Variants in EYS observed in about 807,000 individuals in gnomAD.
EYS encodes protein eyes shut homolog.
A neutral mutation model predicts 282.1 loss-of-function variants in EYS; 250 were observed. The observed-to-expected ratio is 0.89, with a 90% CI of 0.80 to 0.98. The LOEUF (loss-of-function observed/expected upper bound fraction) is 0.98. Among genes scored for constraint, EYS ranks in the 50% least tolerant of loss-of-function variants. The pLI, the probability that EYS is intolerant of heterozygous loss-of-function variation, is 0.00. For synonymous variants in EYS, 1,355 were observed against 1,282.9 expected (o/e 1.06, Z -1.20); for missense variants, 4,016 against 3,709.0 (o/e 1.08, Z -2.15).
chr6:63,829,095 CAAT>C (rs1771553242), intron 36 of EYS, among the ~76,000 whole-genome samples: 2 of 152,206 alleles, frequency 1.3e-5, no homozygotes, highest in Non-Finnish European at 2.9e-5. Flanking sequence ...CATCAATCAA[CAAT>C]GAGTGGCGGA....
intron 12 of EYS, among the ~76,000 whole-genome samples, chr6:65,162,539 A>C (rs562804767): frequency 6.6e-5 from 10 of 151,270 alleles, no homozygotes; most frequent in Non-Finnish European, 1.3e-4. Context: ...TACAACAAAA[A>C]GAATATAATG....
At chr6:64,846,444 G>A (rs1468048143) in intron 19 of EYS, among the ~76,000 whole-genome samples, 1 of 151,986 alleles carries the variant, frequency 6.6e-6, no homozygotes, top group African/African-American at 2.4e-5. Context: ...GTAGCTTTTG[G>A]TTAGATAATT....
At chr6:64,312,440 G>C (rs77181433) in intron 29 of EYS, among the ~76,000 whole-genome samples, 5,786 of 152,180 alleles carry the variant, frequency 0.038, 357 homozygotes, top group African/African-American at 0.13. Context: ...GGAAAGGGTG[G>C]CTGTGGGGGC....
intron 29 of EYS, among the ~76,000 whole-genome samples, chr6:64,324,451 C>T (rs2150386462): frequency 6.6e-6 from 1 of 152,222 alleles, no homozygotes; most frequent in South Asian, 2.1e-4. Context: ...TGGTAAAAAC[C>T]TTCAACGAAC....
At chr6:64,597,915 A>T (rs954099097) in intron 24 of EYS, among the ~76,000 whole-genome samples, 2 of 152,102 alleles carry the variant, frequency 1.3e-5, no homozygotes, top group Non-Finnish European at 2.9e-5. Flanking sequence ...CACAAAAAAG[A>T]TATCTTCAAT....
intron 12 of EYS, among the ~76,000 whole-genome samples, chr6:65,107,717 C>G (rs917253402): frequency 6.6e-6 from 1 of 151,154 alleles, no homozygotes; most frequent in African/African-American, 2.4e-5. Context: ...TTTCAATATT[C>G]TGACAATTTC....
At chr6:64,044,595 T>C (rs1316414022) in intron 33 of EYS, among the ~76,000 whole-genome samples, 2 of 152,242 alleles carry the variant, frequency 1.3e-5, no homozygotes, top group Non-Finnish European at 2.9e-5. Flanking sequence ...AATGTAGTTA[T>C]GAAAATGTAT....
At chr6:64,951,428 G>A (rs1302764881) in intron 14 of EYS, among the ~76,000 whole-genome samples, 2 of 151,990 alleles carry the variant, frequency 1.3e-5, no homozygotes, top group Admixed American at 6.6e-5. Flanking sequence ...CTCTTTGGAA[G>A]ATGTTAACAT....
chr6:65,049,425 A>G (rs1057148016), intron 13 of EYS, among the ~76,000 whole-genome samples: 1 of 151,744 alleles, frequency 6.6e-6, no homozygotes, highest in African/African-American at 2.4e-5. Flanking sequence ...ATCAATATAT[A>G]CTTCTTTCAA....
At chr6:64,685,304 AAAAAAAATC>A (rs1770053016) in intron 22 of EYS, among the ~76,000 whole-genome samples, 7 of 24,308 alleles carry the variant, frequency 2.9e-4, no homozygotes, top group Non-Finnish European at 5.6e-4. Flanking sequence ...TACTTGATTT[AAAAAAAATC>A]TCAAATTCTT....
intron 19 of EYS, among the ~76,000 whole-genome samples, chr6:64,869,503 T>C (rs1766525956): frequency 6.6e-6 from 1 of 151,412 alleles, no homozygotes; most frequent in African/African-American, 2.4e-5. Flanking sequence ...AGTGAAGTAA[T>C]TTGGGGTTAT....
intron 11 of EYS, chr6:65,332,178 T>C (rs1769819864): frequency 2.0e-6 from 1 of 506,508 alleles, no homozygotes; most frequent in Non-Finnish European, 3.5e-6. Context: ...TTTTATTCTT[T>C]ATTTGTTGAG....
At chr6:64,545,845 T>C (rs182318065) in intron 26 of EYS, among the ~76,000 whole-genome samples, 34 of 152,172 alleles carry the variant, frequency 2.2e-4, no homozygotes, top group Admixed American at 3.9e-4. Flanking sequence ...AGGAGAACTA[T>C]AAACCACTGC....
Position 63,971,761 on chromosome 6 carries a change from A to G in EYS, c.7055+12622T>C, listed in dbSNP as rs145798232. 3.8e-3 allele frequency among the ~76,000 whole-genome samples: 580 copies of G among 152,340 alleles called. 4 individuals are homozygous for G. Among genetic ancestry groups the G allele is most frequent in the African/African-American group, 0.013 (543 of 41,574 alleles). On this transcript the variant is annotated intron_variant, in intron 35 of 42. Transcript: ENST00000503581. ...AGGTCTAACAGCCAGATGATGTCCT[A>G]CCTCAAGACTGAACTCAAGTATTTT...
intron 12 of EYS, among the ~76,000 whole-genome samples, chr6:65,276,791 T>A (rs1425266462): frequency 6.6e-6 from 1 of 152,046 alleles, no homozygotes; most frequent in Non-Finnish European, 1.5e-5. Flanking sequence ...AAGCAGGGAT[T>A]TATCCTAGGT....
At chr6:63,922,420 G>A (rs1324516358) in intron 35 of EYS, among the ~76,000 whole-genome samples, 1 of 152,024 alleles carries the variant, frequency 6.6e-6, no homozygotes, top group Non-Finnish European at 1.5e-5. Flanking sequence ...AAAATTAGCT[G>A]GGCATGGTGG....
chr6:65,491,056 C>G (rs775518225), intron 4 of EYS, among the ~76,000 whole-genome samples: 1 of 151,864 alleles, frequency 6.6e-6, no homozygotes, highest in Non-Finnish European at 1.5e-5. Context: ...GATAGTATTG[C>G]AGTGATAATT....
chr6:65,117,817 A>C (rs1225083829), intron 12 of EYS, among the ~76,000 whole-genome samples: 1 of 152,230 alleles, frequency 6.6e-6, no homozygotes, highest in African/African-American at 2.4e-5. Context: ...TGCCCTAGGC[A>C]CTGATAGATG....
chr6:64,808,065 CT>C (rs1259642253), intron 22 of EYS, among the ~76,000 whole-genome samples: 2 of 137,194 alleles, frequency 1.5e-5, no homozygotes, highest in African/African-American at 5.2e-5. Context: ...CCCTTCTTCC[CT>C]TTCTTTCCCT....
Sources: gnomAD v4.1 joint callset for allele counts (sites outside exome capture counted in the v4.1 genomes callset) on GRCh38, gnomAD v4.1.1 for gene constraint, MANE v1.5 for transcripts, NCBI Gene and HGNC (gene_info 2026-07-23, HGNC 2026-07-21) for gene names.